The following KLF7 variants were observed in gnomAD, a reference collection of about 807,000 sequenced individuals.
KLF7 encodes KLF transcription factor 7, also known as Krueppel-like factor 7.
Under a neutral mutation model 27.3 loss-of-function variants are expected in KLF7, and 2 were observed. The observed-to-expected ratio is 0.07, with a 90% confidence interval of 0.03 to 0.23. The LOEUF (loss-of-function observed/expected upper bound fraction) is 0.23. KLF7 is among the 10% of genes least tolerant of loss of function. The pLI is 1.00. For synonymous variants in KLF7, 165 were observed against 162.4 expected, an observed-to-expected ratio of 1.02 and a Z score of -0.12; for missense variants, 221 against 394.1, an observed-to-expected ratio of 0.56 and a Z score of 3.72.
rs1358889583 is a variant in KLF7 at position 207,079,774 on chromosome 2, CGT to C, written c.*1437_*1438del. On this transcript the variant is annotated 3_prime_UTR_variant, in exon 4 of 4. Coordinates refer to ENST00000309446, the MANE Select transcript of KLF7 (RefSeq NM_003709.4). ...CCAAAAAAAAAAGGAAAGAAAGAAA[CGT>C]GTCTCTCCTTTTAGACAGCCCATGA... The C allele has an allele frequency of 2.0e-5, 3 of 152,128 alleles. No individual in the cohort carries two copies. The East Asian group carries it at 5.8e-4, about 29-fold the overall frequency. 9.4% of individuals were successfully genotyped at this position (152,128 alleles called of 1,614,324 possible). A position where few individuals can be genotyped will look rare whatever the true frequency, so the allele number is the denominator to read the frequency against.
intron 2 of KLF7, among the ~76,000 whole-genome samples, chr2:207,089,958 C>T (rs1232832400): frequency 6.6e-6 from 1 of 152,154 alleles, no homozygotes; most frequent in Non-Finnish European, 1.5e-5. Flanking sequence ...GAGACATTAC[C>T]CAGGTACTAT....
At chr2:207,108,742 A>C (rs770953889) in intron 2 of KLF7, among the ~76,000 whole-genome samples, 6 of 152,232 alleles carry the variant, frequency 3.9e-5, no homozygotes, top group Non-Finnish European at 8.8e-5. Context: ...ATAGATTTAC[A>C]ATTCCTGTAT....
intron 2 of KLF7, among the ~76,000 whole-genome samples, chr2:207,104,535 C>T (rs78501933): frequency 0.018 from 2,739 of 152,250 alleles, 80 homozygotes; most frequent in African/African-American, 0.061. Context: ...TCACTATATG[C>T]TGGGCACTAC....
intron 3 of KLF7, among the ~76,000 whole-genome samples, chr2:207,084,888 C>T (rs574944542): frequency 4.7e-4 from 71 of 152,128 alleles, no homozygotes; most frequent in Non-Finnish European, 9.6e-4. Flanking sequence ...CTAGGCCAGG[C>T]GTCGTGGCTC....
chr2:207,119,071 T>A (rs2077266801), intron 2 of KLF7, among the ~76,000 whole-genome samples: 1 of 152,206 alleles, frequency 6.6e-6, no homozygotes, highest in Non-Finnish European at 1.5e-5. Context: ...GTTATATTGT[T>A]CGGGACAAAA....
chr2:207,124,979 G>A (rs2077442057), intron 1 of KLF7, among the ~76,000 whole-genome samples: 1 of 152,184 alleles, frequency 6.6e-6, no homozygotes, highest in Non-Finnish European at 1.5e-5. Context: ...CAGCAGGAAA[G>A]AATACTGTTC....
intron 2 of KLF7, among the ~76,000 whole-genome samples, chr2:207,097,092 A>G (rs1341539332): frequency 6.6e-6 from 1 of 152,240 alleles, no homozygotes; most frequent in Admixed American, 6.5e-5. Flanking sequence ...GCTGCTCCAG[A>G]GACCATACCT....
intron 1 of KLF7, among the ~76,000 whole-genome samples, chr2:207,139,437 C>T (rs1249857616): frequency 2.0e-5 from 3 of 152,052 alleles, no homozygotes; most frequent in Non-Finnish European, 4.4e-5. Context: ...TGTAACCATA[C>T]TACCAAAAAG....
rs1237271592 is a variant in KLF7 at position 207,076,024 on chromosome 2, G to C, written c.*5189C>G. The C allele has an allele frequency of 2.0e-5, 3 of 150,930 alleles. No individual in the cohort carries two copies. Among genetic ancestry groups the C allele is most frequent in the African/African-American group, 7.3e-5 (3 of 40,958 alleles). 9.3% of individuals were successfully genotyped at this position (150,930 alleles called of 1,614,324 possible). ...TATGTGGAACTCCCAGTGTGGTTTC[G>C]ATATACTGGCAATTATAAGCATCCA... On this transcript the variant is annotated 3_prime_UTR_variant, in exon 4 of 4. Coordinates refer to ENST00000309446, the MANE Select transcript of KLF7 (RefSeq NM_003709.4).
chr2:207,130,510 A>G (rs2077601282), intron 1 of KLF7, among the ~76,000 whole-genome samples: 1 of 152,256 alleles, frequency 6.6e-6, no homozygotes, highest in African/African-American at 2.4e-5. Flanking sequence ...CTGTTTTCTC[A>G]TATGGCAGAT....
At chr2:207,148,213 C>A (rs2078149873) in intron 1 of KLF7, among the ~76,000 whole-genome samples, 1 of 152,186 alleles carries the variant, frequency 6.6e-6, no homozygotes. Context: ...AATTTAATTT[C>A]TCATGTGGAA....
chr2:207,112,594 T>C (rs193096459), intron 2 of KLF7, among the ~76,000 whole-genome samples: 13 of 152,332 alleles, frequency 8.5e-5, no homozygotes, highest in Non-Finnish European at 1.6e-4. Context: ...GTTTTCTCAA[T>C]AAAACAGCTC....
At chr2:207,165,262 G>A (rs1351446015) in intron 1 of KLF7, among the ~76,000 whole-genome samples, 2 of 152,178 alleles carry the variant, frequency 1.3e-5, no homozygotes, top group African/African-American at 4.8e-5. Flanking sequence ...CGGCTGCTCA[G>A]CTCGGCACTC....
chr2:207,132,356 TCC>T (rs1189625219), intron 1 of KLF7, among the ~76,000 whole-genome samples: 4 of 152,218 alleles, frequency 2.6e-5, no homozygotes, highest in African/African-American at 7.2e-5. Flanking sequence ...GTTATATATT[TCC>T]CTCTGGTAAT....
intron 1 of KLF7, among the ~76,000 whole-genome samples, chr2:207,135,921 G>C (rs890190811): frequency 1.5e-4 from 23 of 152,190 alleles, no homozygotes; most frequent in Non-Finnish European, 1.2e-4. Flanking sequence ...ATGCACCTGT[G>C]TTGGAAGTAA....
intron 3 of KLF7, among the ~76,000 whole-genome samples, chr2:207,084,009 T>C (rs893669783): frequency 4.6e-5 from 7 of 152,374 alleles, no homozygotes; most frequent in African/African-American, 1.7e-4. Flanking sequence ...GTTGGACTTC[T>C]AACCTAGAAG....
intron 3 of KLF7, among the ~76,000 whole-genome samples, chr2:207,087,554 C>T (rs1305274175): frequency 1.3e-5 from 2 of 152,140 alleles, no homozygotes; most frequent in African/African-American, 4.8e-5. Context: ...AACCCTGAGG[C>T]TTTCAGGGGC....
chr2:207,103,153 C>G (rs1020163220), intron 2 of KLF7, among the ~76,000 whole-genome samples: 2 of 152,198 alleles, frequency 1.3e-5, no homozygotes, highest in African/African-American at 2.4e-5. Context: ...GTCTCAAACT[C>G]CTGACCTCAG....
chr2:207,168,329 C>T (rs774273970), upstream of KLF7, among the ~76,000 whole-genome samples: 12 of 152,134 alleles, frequency 7.9e-5, no homozygotes, highest in Non-Finnish European at 1.5e-4. Flanking sequence ...GTGCCGTATG[C>T]GCATAAACAC....
Sources: gnomAD v4.1 joint callset for allele counts (sites outside exome capture counted in the v4.1 genomes callset) on GRCh38, gnomAD v4.1.1 for gene constraint, MANE v1.5 for transcripts, NCBI Gene and HGNC (gene_info 2026-07-23, HGNC 2026-07-21) for gene names.